AQP9: variants seen among roughly 807,000 people sequenced by gnomAD.
The protein encoded by AQP9 is aquaporin-9.
A neutral mutation model predicts 23.8 loss-of-function variants in AQP9; 19 were observed. The ratio of observed to expected loss-of-function variants is 0.80; its 90% CI spans 0.56 to 1.17. The LOEUF is 1.17. Among genes scored for constraint, AQP9 ranks in the 50% most tolerant of loss-of-function variants. The pLI is 0.00. For missense variants in AQP9, 413 were observed against 362.0 expected, an observed-to-expected ratio of 1.14 and a Z score of -1.14; for synonymous variants, 153 against 131.5, an observed-to-expected ratio of 1.16 and a Z score of -1.12.
At chr15:58,183,112 G>A (rs919637450) in intron 5 of AQP9, among the ~76,000 whole-genome samples, 1 of 152,118 alleles carries the variant, frequency 6.6e-6, no homozygotes, top group African/African-American at 2.4e-5. Context: ...CATGCCTCTG[G>A]GTACTCCTCT....
chr15:58,179,429 G>A (rs1898834028), intron 5 of AQP9, 84 bp downstream of exon 5: 3 of 1,309,940 alleles, frequency 2.3e-6, no homozygotes, highest in African/African-American at 1.5e-5. Context: ...GAGATCCAGG[G>A]AAGTTCAGAT....
At chr15:58,177,820 T>G (rs1765141071) in intron 4 of AQP9, among the ~76,000 whole-genome samples, 1 of 152,234 alleles carries the variant, frequency 6.6e-6, no homozygotes, top group Admixed American at 6.5e-5. Flanking sequence ...ACTAATAACA[T>G]AGAAACCAGC....
At chr15:58,166,394 G>A (rs1003693216) in intron 1 of AQP9, among the ~76,000 whole-genome samples, 1 of 152,150 alleles carries the variant, frequency 6.6e-6, no homozygotes, top group Admixed American at 6.5e-5. Context: ...AAGAAAATCA[G>A]ATACCTAGAT....
chr15:58,166,590 TA>T, intron 1 of AQP9, 82 bp from the exon 2 acceptor site: 2 of 1,506,322 alleles, frequency 1.3e-6, no homozygotes, highest in Non-Finnish European at 1.8e-6. Context: ...GACTTTGCTT[TA>T]AAAATACTTG....
At chr15:58,160,370 T>C (rs1380886523) in intron 1 of AQP9, among the ~76,000 whole-genome samples, 1 of 152,188 alleles carries the variant, frequency 6.6e-6, no homozygotes, top group Non-Finnish European at 1.5e-5. Context: ...TGTTTGCTAT[T>C]GAGTTGTTTG....
intron 1 of AQP9, among the ~76,000 whole-genome samples, chr15:58,141,500 A>G (rs1488618598): frequency 6.6e-6 from 1 of 152,256 alleles, no homozygotes; most frequent in Non-Finnish European, 1.5e-5. Flanking sequence ...TGCTAAAAGT[A>G]GTACCCTTGA....
At chr15:58,138,807 A>G (rs1395708574) in intron 1 of AQP9, 131 bp downstream of exon 1, 2 of 756,760 alleles carry the variant, frequency 2.6e-6, no homozygotes, top group Non-Finnish European at 4.3e-6. Flanking sequence ...TCCAGGAAGA[A>G]ACAAGTTACT....
chr15:58,184,244 C>T lies in AQP9; in HGVS notation c.*109C>T. ...TGAGGTGGAATCCACCCAGTTTTGT[C>T]TGCTAGCCATATGGGACATCTAATT... On this transcript the variant is annotated 3_prime_UTR_variant, in exon 6 of 6. Coordinates refer to ENST00000219919, the MANE Select transcript of AQP9 (RefSeq NM_020980.5). The T allele has an allele frequency of 8.3e-7, 1 of 1,205,720 alleles. No individual in the cohort carries two copies. The highest frequency in any genetic ancestry group is 1.2e-6 in the Non-Finnish European group (1 of 857,086). 74.7% of individuals were successfully genotyped at this position (1,205,720 alleles called of 1,614,324 possible). A position where few individuals can be genotyped will look rare whatever the true frequency, so the allele number is the denominator to read the frequency against.
intron 3 of AQP9, 120 bp downstream of exon 3, chr15:58,173,325 A>C: frequency 7.0e-7 from 1 of 1,423,716 alleles, no homozygotes; most frequent in Non-Finnish European, 9.5e-7. Flanking sequence ...AAGTGACAGC[A>C]AGTTCTAAAT....
intron 2 of AQP9, among the ~76,000 whole-genome samples, chr15:58,169,904 G>T (rs377219758): frequency 1.3e-5 from 2 of 152,122 alleles, no homozygotes; most frequent in African/African-American, 2.4e-5. Flanking sequence ...AAAATATAGG[G>T]TTATCTTGAT....
chr15:58,148,680 A>G (rs1443138361), intron 1 of AQP9, among the ~76,000 whole-genome samples: 3 of 152,218 alleles, frequency 2.0e-5, no homozygotes, highest in African/African-American at 7.2e-5. Context: ...ATGGTGATCA[A>G]GTTCCCATCC....
chr15:58,162,501 C>T (rs185961984), intron 1 of AQP9, among the ~76,000 whole-genome samples: 190 of 152,292 alleles, frequency 1.2e-3, no homozygotes, highest in Non-Finnish European at 1.6e-3. Flanking sequence ...AATGAGCTCC[C>T]TATCCTTAAA....
At chr15:58,181,183 G>A (rs1211079404) in intron 5 of AQP9, among the ~76,000 whole-genome samples, 1 of 152,208 alleles carries the variant, frequency 6.6e-6, no homozygotes, top group Non-Finnish European at 1.5e-5. Flanking sequence ...GAAGGAAAAT[G>A]TTGGAATCAC....
intron 4 of AQP9, among the ~76,000 whole-genome samples, chr15:58,178,341 A>G (rs1490411736): frequency 6.6e-6 from 1 of 152,192 alleles, no homozygotes; most frequent in East Asian, 1.9e-4. Context: ...TAATGGCTAT[A>G]CAGTAGACTA....
chr15:58,177,303 C>T (rs1566990640), intron 4 of AQP9, among the ~76,000 whole-genome samples: 1 of 152,184 alleles, frequency 6.6e-6, no homozygotes, highest in East Asian at 1.9e-4. Context: ...CTATACTCTT[C>T]CTTCTTCAAG....
At chr15:58,162,465 A>G (rs1267074278) in intron 1 of AQP9, among the ~76,000 whole-genome samples, 1 of 152,220 alleles carries the variant, frequency 6.6e-6, no homozygotes, top group South Asian at 2.1e-4. Context: ...AATGAAAAGT[A>G]TACAGAACAA....
intron 4 of AQP9, among the ~76,000 whole-genome samples, chr15:58,176,411 G>A (rs1898754929): frequency 6.6e-6 from 1 of 152,012 alleles, no homozygotes; most frequent in Admixed American, 6.6e-5. Flanking sequence ...CCAGCAACTT[G>A]GGAGGCTGAG....
chr15:58,141,816 T>C (rs1287260667), intron 1 of AQP9, among the ~76,000 whole-genome samples: 1 of 152,216 alleles, frequency 6.6e-6, no homozygotes, highest in African/African-American at 2.4e-5. Context: ...ACAAAGTTTG[T>C]TCAGATCTTG....
chr15:58,159,555 A>G (rs1898330807), intron 1 of AQP9, among the ~76,000 whole-genome samples: 1 of 152,164 alleles, frequency 6.6e-6, no homozygotes, highest in South Asian at 2.1e-4. Flanking sequence ...GAAATATACA[A>G]TACATTATTG....
Sources: allele counts gnomAD v4.1 joint callset (sites outside exome capture counted in the v4.1 genomes callset), GRCh38; gene constraint gnomAD v4.1.1; transcripts MANE v1.5; gene names NCBI Gene and HGNC (gene_info 2026-07-23, HGNC 2026-07-21).